The following ANKRD45 variants were observed in gnomAD, a reference collection of about 807,000 sequenced individuals.
ANKRD45 encodes the protein ankyrin repeat domain 45, also known as ankyrin repeat domain-containing protein 45.
ANKRD45 carries 21 observed loss-of-function variants against 28.1 expected under a neutral mutation model. The ratio of observed to expected loss-of-function variants is 0.75; its 90% CI spans 0.53 to 1.08. The LOEUF (loss-of-function observed/expected upper bound fraction) is 1.08, where lower values mean the gene tolerates loss of function less well. ANKRD45 is among the 50% of genes least tolerant of loss of function. The probability of loss-of-function intolerance (pLI) is 0.00; values close to 1 mark genes in which losing one functional copy is unlikely to be tolerated. For synonymous variants in ANKRD45, 86 were observed against 103.9 expected (o/e 0.83, Z 1.05); for missense variants, 261 against 308.7 (o/e 0.85, Z 1.16).
chr1:173,633,786 A>T (rs1668296091), intron 3 of ANKRD45, among the ~76,000 whole-genome samples: 1 of 152,128 alleles, frequency 6.6e-6, no homozygotes, highest in Non-Finnish European at 1.5e-5. Flanking sequence ...GGATATCCAT[A>T]AGCAGAAGAA....
In ANKRD45 at chr1:173,643,095, T is replaced by C. The variant is rs138303457; in HGVS notation, c.496+3751A>G. Among the ~76,000 whole-genome samples, 529 of 152,182 alleles carry C rather than the reference T, an allele frequency of 3.5e-3. 2 individuals are homozygous for C. The highest frequency in any genetic ancestry group is 0.012 in the African/African-American group (501 of 41,532). ...TATTTTTAATGTGTTAGATTATATA[T>C]AGAATAGAAGCTTAATTTAGTGTTT... On this transcript the variant is annotated intron_variant, in intron 3 of 5. Coordinates refer to ENST00000333279, the MANE Select transcript of ANKRD45 (RefSeq NM_198493.3).
rs1449295251 is a variant in ANKRD45, at chr1:173,608,508, AG to A, written c.*1636del. 6.6e-6 allele frequency among the ~76,000 whole-genome samples: 1 copy of A among 151,786 alleles called. No individual in the cohort carries two copies. The highest frequency in any genetic ancestry group is 2.4e-5 in the African/African-American group (1 of 41,320). On this transcript the variant is annotated 3_prime_UTR_variant, in exon 6 of 6. Transcript: ENST00000333279. ...AAATTTTTGTATTTTTAGTAGAGAC[AG>A]GGTTTCACCATGTTGGCCAGGCTTG...
At chr1:173,634,863 G>A (rs1041796809) in intron 3 of ANKRD45, among the ~76,000 whole-genome samples, 10 of 151,804 alleles carry the variant, frequency 6.6e-5, no homozygotes, top group South Asian at 2.1e-4. Context: ...CCCACTACCT[G>A]ATAGTACCAC....
intron 3 of ANKRD45, among the ~76,000 whole-genome samples, chr1:173,636,029 T>G (rs1157106210): frequency 6.6e-6 from 1 of 152,140 alleles, no homozygotes; most frequent in Non-Finnish European, 1.5e-5. Flanking sequence ...CAAATGTGTA[T>G]TGAATTAGAA....
the ANKRD45 span, among the ~76,000 whole-genome samples, chr1:173,683,738 C>T: frequency 6.6e-6 from 1 of 152,202 alleles, no homozygotes; most frequent in Admixed American, 6.5e-5. Flanking sequence ...GTGACACAGC[C>T]TCAGGAGGTC....
chr1:173,694,218 C>G, the ANKRD45 span, among the ~76,000 whole-genome samples: 1 of 151,964 alleles, frequency 6.6e-6, no homozygotes, highest in African/African-American at 2.4e-5. Context: ...GGCTGGAGTG[C>G]AGTGGCATGA....
rs1368834719 is a variant in ANKRD45, at chr1:173,609,706, C to T, written c.*439G>A. 1 of 156,766 alleles carries T rather than the reference C, an allele frequency of 6.4e-6. No individual in the cohort carries two copies. Among genetic ancestry groups the T allele is most frequent in the Non-Finnish European group, 1.4e-5 (1 of 71,132 alleles). The allele number at this position is 156,766 out of a possible 1,614,324, so 9.7% of individuals were successfully genotyped here. On this transcript the variant is annotated 3_prime_UTR_variant, in exon 6 of 6. Coordinates refer to ENST00000333279, the MANE Select transcript of ANKRD45 (RefSeq NM_198493.3). Reference sequence around the variant, plus strand: ...AAAAAGTGATAGTTGTACCCAGAGGCTCCTAATCCAAGCTGGTCTTAATAT... The same window carrying T: ...AAAAAGTGATAGTTGTACCCAGAGGTTCCTAATCCAAGCTGGTCTTAATAT...
intron 3 of ANKRD45, among the ~76,000 whole-genome samples, chr1:173,631,941 G>T (rs942487870): frequency 6.6e-6 from 1 of 150,592 alleles, no homozygotes; most frequent in Non-Finnish European, 1.5e-5. Context: ...AACTAGAAAA[G>T]CAAGAGCAAA....
chr1:173,683,233 A>G, the ANKRD45 span, among the ~76,000 whole-genome samples: 1 of 152,212 alleles, frequency 6.6e-6, no homozygotes, highest in Non-Finnish European at 1.5e-5. Context: ...TCTTAACTTT[A>G]GCCAAGTTAC....
chr1:173,669,554 G>T, intron 1 of ANKRD45: 1 of 454,668 alleles, frequency 2.2e-6, no homozygotes. Flanking sequence ...GGTCCCGCGA[G>T]GGGGCAACGG....
intron 5 of ANKRD45, among the ~76,000 whole-genome samples, chr1:173,618,445 T>A (rs1667559686): frequency 6.6e-6 from 1 of 152,088 alleles, no homozygotes; most frequent in South Asian, 2.1e-4. Flanking sequence ...GAGGGGAGCA[T>A]AACTGACCTG....
chr1:173,633,007 A>G (rs1668262985), intron 3 of ANKRD45, among the ~76,000 whole-genome samples: 1 of 152,008 alleles, frequency 6.6e-6, no homozygotes, highest in African/African-American at 2.4e-5. Context: ...TAGAGCAATC[A>G]GAGAAGAAAA....
intron 3 of ANKRD45, among the ~76,000 whole-genome samples, chr1:173,646,068 T>C (rs2102359006): frequency 6.6e-6 from 1 of 152,324 alleles, no homozygotes; most frequent in South Asian, 2.1e-4. Context: ...AAAACAGGAA[T>C]GCAGATAACC....
the ANKRD45 span, among the ~76,000 whole-genome samples, chr1:173,699,270 T>G: frequency 1.3e-5 from 2 of 152,226 alleles, no homozygotes; most frequent in Non-Finnish European, 2.9e-5. Flanking sequence ...CAATTCCTTC[T>G]GAAACTATTC....
intron 3 of ANKRD45, among the ~76,000 whole-genome samples, chr1:173,639,571 T>G (rs908490032): frequency 6.6e-6 from 1 of 152,248 alleles, no homozygotes; most frequent in Non-Finnish European, 1.5e-5. Context: ...TCAGCCTTCA[T>G]GGGTGTATAG....
intron 3 of ANKRD45, chr1:173,635,396 A>G (rs1668383194): frequency 1.3e-6 from 1 of 755,002 alleles, no homozygotes. Context: ...CATTTTAACT[A>G]ATAGCTCCTG....
intron 3 of ANKRD45, among the ~76,000 whole-genome samples, chr1:173,642,916 C>T (rs565687586): frequency 6.6e-6 from 1 of 152,096 alleles, no homozygotes; most frequent in East Asian, 1.9e-4. Flanking sequence ...TCTTCGTGTG[C>T]GCTCTTGTGG....
intron 1 of ANKRD45, among the ~76,000 whole-genome samples, chr1:173,664,122 A>G (rs1290813456): frequency 6.6e-6 from 1 of 152,228 alleles, no homozygotes; most frequent in Non-Finnish European, 1.5e-5. Flanking sequence ...TATGGAGACT[A>G]TACCAGGAAA....
At chr1:173,625,810 A>G (rs1221425554) in intron 4 of ANKRD45, among the ~76,000 whole-genome samples, 1 of 152,134 alleles carries the variant, frequency 6.6e-6, no homozygotes, top group South Asian at 2.1e-4. Flanking sequence ...GTGAAAGGGA[A>G]AACATAACAC....
Sources: allele counts gnomAD v4.1 joint callset (sites outside exome capture counted in the v4.1 genomes callset), GRCh38; gene constraint gnomAD v4.1.1; transcripts MANE v1.5; gene names NCBI Gene and HGNC (gene_info 2026-07-23, HGNC 2026-07-21).